CYP3A43: variants seen among roughly 807,000 people sequenced by gnomAD.
CYP3A43 encodes cytochrome P450 family 3 subfamily A member 43.
CYP3A43 carries 45 observed loss-of-function variants against 58.0 expected under a neutral mutation model. The ratio of observed to expected loss-of-function variants is 0.78; its 90% CI spans 0.61 to 0.99. The LOEUF is 0.99. Among genes scored for constraint, CYP3A43 ranks in the 50% least tolerant of loss-of-function variants. CYP3A43 has a pLI of 0.00. For missense variants in CYP3A43, 593 were observed against 591.9 expected (o/e 1.00, Z -0.02); for synonymous variants, 191 against 201.4 (o/e 0.95, Z 0.44).
intron 1 of CYP3A43, among the ~76,000 whole-genome samples, chr7:99,831,650 A>G (rs915828698): frequency 3.3e-5 from 5 of 152,324 alleles, no homozygotes; most frequent in Admixed American, 2.0e-4. Flanking sequence ...ATAACCCATC[A>G]AAGATGAGTT....
At chr7:99,839,568 C>T (rs1817247684) in intron 3 of CYP3A43, 4 of 406,468 alleles carry the variant, frequency 9.8e-6, no homozygotes, top group South Asian at 5.6e-5. Context: ...AGCAATGTGG[C>T]ATCACTCGTC....
chr7:99,841,424 T>C (rs878954421), intron 3 of CYP3A43, among the ~76,000 whole-genome samples: 3 of 152,046 alleles, frequency 2.0e-5, no homozygotes, highest in Admixed American at 2.0e-4. Flanking sequence ...TGAGATGGAG[T>C]CTTGCTCTTG....
At chr7:99,850,943 C>T (rs1158546846) in intron 7 of CYP3A43, among the ~76,000 whole-genome samples, 2 of 151,908 alleles carry the variant, frequency 1.3e-5, no homozygotes, top group Non-Finnish European at 1.5e-5. Context: ...CCGAGGTGGG[C>T]AGATCACAAG....
chr7:99,836,350 AC>A, intron 1 of CYP3A43, 102 bp from the exon 2 acceptor site: 1 of 826,526 alleles, frequency 1.2e-6, no homozygotes, highest in South Asian at 1.5e-5. Flanking sequence ...CCTCCATGTT[AC>A]CTCCCTCCCT....
At chr7:99,852,098 AT>A (rs764450075) in intron 7 of CYP3A43, among the ~76,000 whole-genome samples, 7 of 152,216 alleles carry the variant, frequency 4.6e-5, no homozygotes, top group Non-Finnish European at 7.3e-5. Context: ...CTTCCTCAAA[AT>A]TCAGTGGACC....
rs575348092 is a variant in CYP3A43 at position 99,836,493 on chromosome 7, A to G, written c.112A>G (p.Ile38Val). Residue 38 changes from isoleucine (I) to valine (V), a missense_variant, in exon 2 of 13, where the codon ATT becomes GTT. Transcript: ENST00000354829. The stretch of plus-strand genomic sequence containing the variant: ...ACATAAACTTTTTAAGAAGCTGGGA[A>G]TTCCTGGGCCAACCCCTCTGCCTTT... Reference protein sequence around the residue: ...HSHKLFKKLGIPGPTPLPFLG... With the variant: ...HSHKLFKKLGVPGPTPLPFLG... 3.7e-6 allele frequency: 6 copies of G among 1,610,334 alleles called. No individual in the cohort carries two copies. The South Asian group carries it at 6.7e-5, about 18-fold the overall frequency.
chr7:99,839,453 G>A (rs1455994514), intron 3 of CYP3A43: 1 of 622,408 alleles, frequency 1.6e-6, no homozygotes, highest in Non-Finnish European at 3.0e-6. Flanking sequence ...TCGAGCTTGA[G>A]AATTAAGTCA....
intron 10 of CYP3A43, 141 bp downstream of exon 10, chr7:99,860,131 G>C: frequency 9.2e-7 from 1 of 1,082,858 alleles, no homozygotes; most frequent in Non-Finnish European, 1.3e-6. Context: ...GCTGTAAAGA[G>C]TAAAAACAAA....
At chr7:99,839,950 G>A (rs1395660342) in intron 3 of CYP3A43, among the ~76,000 whole-genome samples, 1 of 152,192 alleles carries the variant, frequency 6.6e-6, no homozygotes, top group African/African-American at 2.4e-5. Flanking sequence ...CTGGCACCAT[G>A]TTGCCTGCTT....
At chr7:99,838,928 C>A in intron 2 of CYP3A43, 192 bp from the exon 3 acceptor site, 1 of 662,892 alleles carries the variant, frequency 1.5e-6, no homozygotes, top group Non-Finnish European at 2.5e-6. Context: ...TGCAATGAGC[C>A]AAGATCGCAC....
rs577315527 is a variant in CYP3A43, at chr7:99,842,432, T to C, written c.219-1711T>C. Among the ~76,000 whole-genome samples the C allele has an allele frequency of 1.6e-4, 25 of 152,360 alleles. 1 individual carries two copies. The South Asian group carries it at 5.0e-3, about 30-fold the overall frequency. On this transcript the variant is annotated intron_variant, in intron 3 of 12. Coordinates refer to ENST00000354829, the MANE Select transcript of CYP3A43 (RefSeq NM_057095.3). ...TGAATTGCTTATTAATATCCTTTTC[T>C]CACTTATCAAGTAAATCCTTCATTT...
rs755678274 is a variant in CYP3A43, at chr7:99,863,659, C to G, written c.1376C>G (p.Ala459Gly). 14 of 1,611,320 alleles carry G rather than the reference C, an allele frequency of 8.7e-6. No individual in the cohort carries two copies. The highest frequency in any genetic ancestry group is 1.1e-5 in the Non-Finnish European group (13 of 1,179,102). The change falls in exon 12 of 13, where the codon GCA becomes GGA. Residue 459 changes from alanine to glycine, a missense_variant. Coordinates refer to ENST00000354829, the MANE Select transcript of CYP3A43 (RefSeq NM_057095.3). Reference protein sequence around the residue: ...LTNIKLAVIRALQNFSFKPCK... With the variant: ...LTNIKLAVIRGLQNFSFKPCK... ...AACATAAAACTTGCTGTCATTAGAG[C>G]ACTGCAGAACTTCTCCTTCAAACCT...
At chr7:99,863,805 A>T (rs751487928) in intron 12 of CYP3A43, 106 bp downstream of exon 12, 3 of 926,058 alleles carry the variant, frequency 3.2e-6, no homozygotes, top group Non-Finnish European at 3.0e-6. Flanking sequence ...GCTCTGTAGG[A>T]CAAAGAATCT....
intron 1 of CYP3A43, among the ~76,000 whole-genome samples, chr7:99,834,742 A>G (rs1816996525): frequency 6.6e-6 from 1 of 152,226 alleles, no homozygotes; most frequent in Non-Finnish European, 1.5e-5. Flanking sequence ...TGTTTCTCCT[A>G]CTGCCCCTGT....
At chr7:99,864,110 T>G (rs1818354267) in intron 12 of CYP3A43, among the ~76,000 whole-genome samples, 1 of 148,604 alleles carries the variant, frequency 6.7e-6, no homozygotes, top group Admixed American at 6.6e-5. Flanking sequence ...CATGACAGTG[T>G]TTCTCAACCA....
intron 4 of CYP3A43, 122 bp downstream of exon 4, chr7:99,844,364 G>T: frequency 1.2e-6 from 1 of 868,560 alleles, no homozygotes; most frequent in Non-Finnish European, 1.8e-6. Flanking sequence ...TTCCCCCAAT[G>T]GTGATGTCTT....
At chr7:99,833,519 G>C (rs543800828) in intron 1 of CYP3A43, among the ~76,000 whole-genome samples, 1 of 152,344 alleles carries the variant, frequency 6.6e-6, no homozygotes, top group Admixed American at 6.5e-5. Flanking sequence ...GAAGGGAGGA[G>C]AGATAAGGCT....
chr7:99,833,491 G>C (rs926382860), intron 1 of CYP3A43, among the ~76,000 whole-genome samples: 1 of 152,192 alleles, frequency 6.6e-6, no homozygotes, highest in Non-Finnish European at 1.5e-5. Context: ...AGGGAAACAG[G>C]GTCTTTGCAA....
chr7:99,846,844 A>G (rs1817556491), intron 4 of CYP3A43, among the ~76,000 whole-genome samples: 1 of 152,192 alleles, frequency 6.6e-6, no homozygotes, highest in African/African-American at 2.4e-5. Flanking sequence ...TGAAAGATGG[A>G]AGAAGGTTTC....
Sources: allele counts gnomAD v4.1 joint callset (sites outside exome capture counted in the v4.1 genomes callset), GRCh38; gene constraint gnomAD v4.1.1; transcripts MANE v1.5; gene names NCBI Gene and HGNC (gene_info 2026-07-23, HGNC 2026-07-21).